FBXO21: variants seen among roughly 807,000 people sequenced by gnomAD.
The protein encoded by FBXO21 is F-box only protein 21.
Under a neutral mutation model 76.6 loss-of-function variants are expected in FBXO21, and 32 were observed. That is an observed-to-expected ratio of 0.42 (90% confidence interval 0.32 to 0.56). The LOEUF (loss-of-function observed/expected upper bound fraction) is 0.56. FBXO21 is among the 20% of genes least tolerant of loss of function. The probability of loss-of-function intolerance (pLI) is 0.16; values close to 1 mark genes in which losing one functional copy is unlikely to be tolerated. For synonymous variants in FBXO21, 328 were observed against 311.5 expected (o/e 1.05, Z -0.56); for missense variants, 586 against 797.3 (o/e 0.73, Z 3.19).
chr12:117,170,012 G>C (rs187408817), intron 7 of FBXO21, among the ~76,000 whole-genome samples: 116 of 151,884 alleles, frequency 7.6e-4, no homozygotes, highest in Non-Finnish European at 2.1e-4. Flanking sequence ...AGCCAGGAAT[G>C]GACAAATTAT....
intron 3 of FBXO21, among the ~76,000 whole-genome samples, chr12:117,185,304 T>C (rs1189885203): frequency 6.6e-6 from 1 of 152,176 alleles, no homozygotes; most frequent in Non-Finnish European, 1.5e-5. Context: ...TGACACATCT[T>C]ACCTCTACCC....
Position 117,174,717 on chromosome 12 carries a change from C to A in FBXO21, c.673G>T (p.Val225Leu), listed in dbSNP as rs772663521. 1 of 1,614,188 alleles carries A rather than the reference C, an allele frequency of 6.2e-7. No individual in the cohort carries two copies. Among genetic ancestry groups the A allele is most frequent in the Non-Finnish European group, 8.5e-7 (1 of 1,180,032 alleles). ...CGAAGGGTTTTGCAAACAAGCTCCACGATGCTGTCAATTTGGGCCTGGATG... is the reference window on the plus strand; with the variant it reads ...CGAAGGGTTTTGCAAACAAGCTCCAAGATGCTGTCAATTTGGGCCTGGATG... ...KDIQAQIDSI[V>L]ELVCKTLRGI... Residue 225 changes from valine to leucine, a missense_variant, in exon 5 of 12, where the codon GTG (valine) becomes TTG (leucine). Coordinates refer to ENST00000622495, the MANE Select transcript of FBXO21 (RefSeq NM_015002.3).
chr12:117,149,809 G>C (rs1955818558), intron 11 of FBXO21, among the ~76,000 whole-genome samples: 1 of 152,202 alleles, frequency 6.6e-6, no homozygotes, highest in Non-Finnish European at 1.5e-5. Flanking sequence ...GCTTCTGTTG[G>C]GAGGAGGAAA....
intron 3 of FBXO21, among the ~76,000 whole-genome samples, chr12:117,182,277 TG>T (rs1291822797): frequency 3.3e-5 from 5 of 152,210 alleles, no homozygotes; most frequent in African/African-American, 1.2e-4. Context: ...GAGGATCACT[TG>T]AAGTCAAGAG....
rs111636799 is a variant in FBXO21 at position 117,162,249 on chromosome 12, G to C, written c.1326+3236C>G. On this transcript the variant is annotated intron_variant, in intron 9 of 11. Coordinates refer to ENST00000622495, the MANE Select transcript of FBXO21 (RefSeq NM_015002.3). ...GAGAACTATGGATCATGATGAGGAC[G>C]AAGGTCTGGCAGCAGGAAGGAGAAG... 4.7e-3 allele frequency among the ~76,000 whole-genome samples: 701 copies of C among 149,364 alleles called. 8 individuals are homozygous for C. Among genetic ancestry groups the C allele is most frequent in the African/African-American group, 0.016 (670 of 41,402 alleles).
At chr12:117,152,316 A>C (rs1955852525) in intron 11 of FBXO21, among the ~76,000 whole-genome samples, 1 of 152,016 alleles carries the variant, frequency 6.6e-6, no homozygotes, top group Non-Finnish European at 1.5e-5. Context: ...AAACACAAAA[A>C]ATAGCCAGGT....
At chr12:117,149,598 G>A (rs1002410271) in intron 11 of FBXO21, among the ~76,000 whole-genome samples, 4 of 152,210 alleles carry the variant, frequency 2.6e-5, no homozygotes, top group East Asian at 1.9e-4. Flanking sequence ...TGCAGTGGGT[G>A]GAGGCCAGGG....
intron 3 of FBXO21, among the ~76,000 whole-genome samples, chr12:117,185,534 G>C (rs1051445380): frequency 6.6e-6 from 1 of 152,126 alleles, no homozygotes; most frequent in Admixed American, 6.6e-5. Context: ...CATCTTTCAG[G>C]GAAAAACTGG....
At chr12:117,165,439 C>T in intron 9 of FBXO21, 46 bp downstream of exon 9, 1 of 1,586,108 alleles carries the variant, frequency 6.3e-7, no homozygotes, top group Non-Finnish European at 8.6e-7. Flanking sequence ...CAATCTAGGA[C>T]TTCCCTTTCT....
intron 8 of FBXO21, 89 bp downstream of exon 8, chr12:117,166,809 C>T (rs988484478): frequency 3.1e-5 from 36 of 1,157,802 alleles, no homozygotes; most frequent in Middle Eastern, 2.0e-4. Flanking sequence ...AAGATCTCAA[C>T]GAAAAGTCAC....
At position 117,156,654 on chromosome 12, in the gene FBXO21, G is replaced by A. The variant is rs112801284; in HGVS notation, c.1518-706C>T. Among the ~76,000 whole-genome samples, 1,442 of 152,268 alleles carry A rather than the reference G, an allele frequency of 9.5e-3. 26 individuals carry two copies. The highest frequency in any genetic ancestry group is 0.033 in the African/African-American group (1,381 of 41,546). On this transcript the variant is annotated intron_variant, in intron 10 of 11. Coordinates refer to ENST00000622495, the MANE Select transcript of FBXO21 (RefSeq NM_015002.3). ...TGCAGGGGACAGTAAGATTCACCCC[G>A]TATGGCAGCTGTTGAGGCTGGATGA...
chr12:117,149,575 G>A (rs1346518855), intron 11 of FBXO21, among the ~76,000 whole-genome samples: 1 of 152,224 alleles, frequency 6.6e-6, no homozygotes, highest in Non-Finnish European at 1.5e-5. Context: ...GTAACTGAGA[G>A]CTGCTGCCAG....
chr12:117,156,448 A>G (rs1047712245), intron 10 of FBXO21, among the ~76,000 whole-genome samples: 25 of 152,218 alleles, frequency 1.6e-4, no homozygotes, highest in African/African-American at 5.8e-4. Flanking sequence ...AGGAACTCTC[A>G]TTAGATACTG....
At chr12:117,154,488 T>G (rs1955887351) in intron 11 of FBXO21, among the ~76,000 whole-genome samples, 2 of 152,216 alleles carry the variant, frequency 1.3e-5, no homozygotes, top group African/African-American at 4.8e-5. Flanking sequence ...CAGGCTCAAG[T>G]GATCCTCCCA....
rs1060232 is a variant in FBXO21 at position 117,144,858 on chromosome 12, G to T, written c.*1229C>A. 6.6e-6 allele frequency: 1 copy of T among 152,160 alleles called. No homozygotes were observed. Among genetic ancestry groups the T allele is most frequent in the Non-Finnish European group, 1.5e-5 (1 of 68,028 alleles). 9.4% of individuals were successfully genotyped at this position (152,160 alleles called of 1,614,324 possible). On this transcript the variant is annotated 3_prime_UTR_variant, in exon 12 of 12. Transcript: ENST00000622495. ...AACACACGGTCAGGCTTTCCCAGAA[G>T]ACGCCACAACAGGCTTCGTCCTGCT...
At chr12:117,177,063 T>C (rs577508415) in intron 4 of FBXO21, among the ~76,000 whole-genome samples, 1 of 152,340 alleles carries the variant, frequency 6.6e-6, no homozygotes, top group East Asian at 1.9e-4. Context: ...ACTCAACTTC[T>C]TCCTTCTCAC....
At chr12:117,183,302 A>T (rs1592897067) in intron 3 of FBXO21, among the ~76,000 whole-genome samples, 1 of 151,688 alleles carries the variant, frequency 6.6e-6, no homozygotes, top group Non-Finnish European at 1.5e-5. Flanking sequence ...CCAGGCTGGA[A>T]TGCAATGGCG....
At chr12:117,182,557 AG>A (rs1270780617) in intron 3 of FBXO21, among the ~76,000 whole-genome samples, 1 of 138,454 alleles carries the variant, frequency 7.2e-6, no homozygotes, top group African/African-American at 2.6e-5. Flanking sequence ...GGCCACAGCA[AG>A]AGGATCTTTT....
chr12:117,165,520 T>G lies in FBXO21; in HGVS notation c.1291A>C (p.Arg431=), dbSNP rs201652898. The G allele has an allele frequency of 5.0e-5, 80 of 1,613,826 alleles. No homozygotes were observed. The highest frequency in any genetic ancestry group is 6.7e-5 in the Non-Finnish European group (79 of 1,179,912). Reference sequence around the variant, plus strand: ...CAGATTCCCAGGTGGAAGTAAAGCCTGGCTTGGAGGAGGAGAAGCTGCACC... The same window carrying G: ...CAGATTCCCAGGTGGAAGTAAAGCCGGGCTTGGAGGAGGAGAAGCTGCACC... The part of the protein sequence containing the change: ...DQVQLLLLQA[R]LYFHLGIWPE... The change falls in exon 9 of 12, where the codon AGG becomes CGG. Residue 431 remains arginine (R), a synonymous_variant. Coordinates refer to ENST00000622495, the MANE Select transcript of FBXO21 (RefSeq NM_015002.3).
Sources: gnomAD v4.1 joint callset for allele counts (sites outside exome capture counted in the v4.1 genomes callset) on GRCh38, gnomAD v4.1.1 for gene constraint, MANE v1.5 for transcripts, NCBI Gene and HGNC (gene_info 2026-07-23, HGNC 2026-07-21) for gene names.